PLCL2: variants seen among roughly 807,000 people sequenced by gnomAD.
PLCL2 encodes the protein inactive phospholipase C-like protein 2.
A neutral mutation model predicts 79.6 loss-of-function variants in PLCL2; 4 were observed. That is an observed-to-expected ratio of 0.05 (90% CI 0.02 to 0.11). The LOEUF is 0.11. PLCL2 is among the 10% of genes least tolerant of loss of function. The probability of loss-of-function intolerance (pLI) is 1.00; values close to 1 mark genes in which losing one functional copy is unlikely to be tolerated. For missense variants in PLCL2, 895 were observed against 1,291.0 expected, an observed-to-expected ratio of 0.69 and a Z score of 4.70; for synonymous variants, 484 against 457.7, an observed-to-expected ratio of 1.06 and a Z score of -0.73.
intron 1 of PLCL2, among the ~76,000 whole-genome samples, chr3:16,933,968 G>A (rs1697475178): frequency 6.6e-6 from 1 of 152,136 alleles, no homozygotes; most frequent in Non-Finnish European, 1.5e-5. Context: ...TCAGGAGGCG[G>A]AGGCAGGAGA....
rs1296600297 is a variant in PLCL2, at chr3:17,009,699, G to A, written c.353G>A (p.Arg118Gln). 3.1e-6 allele frequency: 5 copies of A among 1,599,286 alleles called. No homozygotes were observed. The highest frequency in any genetic ancestry group is 2.7e-5 in the African/African-American group (2 of 74,672). ...IKDGTKQKRE[R>Q]KKTVSFSSMP... ...GATGGTACAAAACAGAAGAGGGAAC[G>A]GAAAAAGACAGTCTCATTCAGCAGC... Residue 118 changes from arginine (R) to glutamine (Q), a missense_variant, in exon 2 of 6, where the codon CGG (arginine) becomes CAG (glutamine). Arg to Gln is a conservative substitution (Grantham distance 43). Coordinates refer to ENST00000615277, the MANE Select transcript of PLCL2 (RefSeq NM_001144382.2). The surrounding 1 kb of genome is among the most constrained non-coding windows in gnomAD (Gnocchi z 4.0).
At chr3:16,911,586 T>G (rs1237159088) in intron 1 of PLCL2, among the ~76,000 whole-genome samples, 1 of 152,194 alleles carries the variant, frequency 6.6e-6, no homozygotes, top group Non-Finnish European at 1.5e-5. Context: ...CCTTTCCCAA[T>G]TAGCTAATCA....
At chr3:16,926,192 A>T (rs887887160) in intron 1 of PLCL2, among the ~76,000 whole-genome samples, 2 of 152,208 alleles carry the variant, frequency 1.3e-5, no homozygotes, top group African/African-American at 4.8e-5. Context: ...TCTTCATGAT[A>T]ATTGACATTT....
chr3:17,062,325 T>C (rs2064960818), intron 4 of PLCL2, among the ~76,000 whole-genome samples: 1 of 152,252 alleles, frequency 6.6e-6, no homozygotes, highest in Non-Finnish European at 1.5e-5. Context: ...ACACTGTATA[T>C]TCTGACTGCG....
At chr3:17,063,109 A>G (rs1575611054) in intron 4 of PLCL2, among the ~76,000 whole-genome samples, 1 of 151,492 alleles carries the variant, frequency 6.6e-6, no homozygotes, top group African/African-American at 2.4e-5. Flanking sequence ...GCAGATGATC[A>G]TCACAAGAGA....
At chr3:16,952,406 C>CTAACTACT (rs1440962271) in intron 1 of PLCL2, among the ~76,000 whole-genome samples, 1 of 99,718 alleles carries the variant, frequency 1.0e-5, no homozygotes, top group African/African-American at 3.8e-5. Context: ...CTGTTCTGTT[C>CTAACTACT]TAACTACTTT....
intron 3 of PLCL2, among the ~76,000 whole-genome samples, chr3:17,033,686 G>A (rs754074030): frequency 3.3e-5 from 5 of 152,016 alleles, no homozygotes; most frequent in Admixed American, 2.0e-4. Flanking sequence ...ACAATTTTCC[G>A]TTAGATTTCA....
chr3:16,928,238 G>T (rs1170532349), intron 1 of PLCL2, among the ~76,000 whole-genome samples: 2 of 152,206 alleles, frequency 1.3e-5, no homozygotes, highest in Non-Finnish European at 2.9e-5. Context: ...CCTCCAAGAG[G>T]CTGAGAGAGC....
chr3:16,919,672 A>T (rs868247629), intron 1 of PLCL2, among the ~76,000 whole-genome samples: 4 of 152,112 alleles, frequency 2.6e-5, no homozygotes, highest in South Asian at 2.1e-4. Flanking sequence ...TGAATTCTGC[A>T]GCCTATATAG....
chr3:16,974,926 C>G (rs2124982067), intron 1 of PLCL2, among the ~76,000 whole-genome samples: 1 of 152,254 alleles, frequency 6.6e-6, no homozygotes, highest in Non-Finnish European at 1.5e-5. Flanking sequence ...ATCCATGGCC[C>G]AGACACTTGG....
chr3:16,890,082 A>G (rs954754439), intron 1 of PLCL2, among the ~76,000 whole-genome samples: 1 of 152,238 alleles, frequency 6.6e-6, no homozygotes, highest in Non-Finnish European at 1.5e-5. Context: ...ACACAAGTTA[A>G]CTGTTGAAAG....
intron 1 of PLCL2, among the ~76,000 whole-genome samples, chr3:16,972,016 G>A (rs1342499138): frequency 6.6e-6 from 1 of 151,942 alleles, no homozygotes; most frequent in Non-Finnish European, 1.5e-5. Flanking sequence ...ATTAGGTATT[G>A]ATGGGACGTA....
intron 3 of PLCL2, among the ~76,000 whole-genome samples, chr3:17,026,285 A>C (rs1291760188): frequency 6.6e-6 from 1 of 152,216 alleles, no homozygotes; most frequent in African/African-American, 2.4e-5. Flanking sequence ...GTCAAGTTTA[A>C]CTCTACAAGC....
intron 1 of PLCL2, among the ~76,000 whole-genome samples, chr3:16,901,799 T>C (rs191889723): frequency 1.8e-3 from 279 of 152,342 alleles, no homozygotes; most frequent in African/African-American, 6.4e-3. Context: ...TCCTAAACTC[T>C]CTTCTCCCTG....
At chr3:17,083,884 A>G (rs1373075883) in intron 5 of PLCL2, among the ~76,000 whole-genome samples, 1 of 152,240 alleles carries the variant, frequency 6.6e-6, no homozygotes, top group African/African-American at 2.4e-5. Context: ...TGTGATGTCC[A>G]AAAGAATGAT....
At chr3:17,052,262 G>A (rs113515122) in intron 4 of PLCL2, among the ~76,000 whole-genome samples, 1 of 150,470 alleles carries the variant, frequency 6.6e-6, no homozygotes, top group Non-Finnish European at 1.5e-5. Context: ...AATTGGGGGG[G>A]GGTGAAGGTC....
intron 1 of PLCL2, among the ~76,000 whole-genome samples, chr3:16,904,316 A>G (rs988481344): frequency 6.6e-6 from 1 of 152,108 alleles, no homozygotes; most frequent in Non-Finnish European, 1.5e-5. Flanking sequence ...CAAAAAAAAA[A>G]AGCAAACTTT....
intron 1 of PLCL2, among the ~76,000 whole-genome samples, chr3:16,895,023 CAA>C (rs922442656): frequency 1.3e-5 from 2 of 151,282 alleles, no homozygotes; most frequent in Non-Finnish European, 2.9e-5. Flanking sequence ...TGATATATCA[CAA>C]AAGACATTTT....
chr3:16,981,074 G>C (rs535395291), intron 1 of PLCL2, among the ~76,000 whole-genome samples: 2 of 152,336 alleles, frequency 1.3e-5, no homozygotes, highest in African/African-American at 2.4e-5. Context: ...GCAGTGAGCC[G>C]AGATGGCAGC....
Sources: allele counts gnomAD v4.1 joint callset (sites outside exome capture counted in the v4.1 genomes callset), GRCh38; gene constraint gnomAD v4.1.1; non-coding constraint Gnocchi (gnomAD v3.1); transcripts MANE v1.5; gene names NCBI Gene and HGNC (gene_info 2026-07-23, HGNC 2026-07-21).